The following ARHGEF33 variants were observed in gnomAD, a reference collection of about 807,000 sequenced individuals.
ARHGEF33 encodes the protein Rho guanine nucleotide exchange factor 33, also known as DH and coiled-coil domain-containing protein ENSP00000381780.
In ARHGEF33, 72 loss-of-function variants were observed where a neutral mutation model predicts 101.9. The ratio of observed to expected loss-of-function variants is 0.71; its 90% CI spans 0.58 to 0.86. The LOEUF is 0.86. Among genes scored for constraint, ARHGEF33 ranks in the 40% least tolerant of loss-of-function variants. The probability of loss-of-function intolerance (pLI) is 0.00; values close to 1 mark genes in which losing one functional copy is unlikely to be tolerated. For synonymous variants in ARHGEF33, 499 were observed against 442.5 expected (o/e 1.13, Z -1.60); for missense variants, 1,169 against 1,111.3 (o/e 1.05, Z -0.74).
chr2:38,911,628 A>G (rs922249771), intron 2 of ARHGEF33, among the ~76,000 whole-genome samples: 1 of 152,218 alleles, frequency 6.6e-6, no homozygotes, highest in African/African-American at 2.4e-5. Context: ...AAATATGGCT[A>G]TAACTTCTTA....
At chr2:38,937,727 CATT>C (rs796984924) in intron 9 of ARHGEF33, among the ~76,000 whole-genome samples, 168 bp downstream of exon 9, 3 of 152,274 alleles carry the variant, frequency 2.0e-5, no homozygotes, top group African/African-American at 7.2e-5. Flanking sequence ...TAAAGGGACT[CATT>C]AGAGGTCACA....
At position 38,951,175 on chromosome 2, in the gene ARHGEF33, T is replaced by A. The variant is rs1667594363; in HGVS notation, c.1053+54T>A. On this transcript the variant is annotated intron_variant, in intron 11 of 17. Transcript: ENST00000409978. ...TTTACTTATACGGATTTGTGTCTCA[T>A]TTGTCTACTTCTCTTAATAGAGAAT... 2.0e-6 allele frequency: 3 copies of A among 1,509,080 alleles called. No homozygotes were observed. The Admixed American group carries it at 6.1e-5, about 30-fold the overall frequency. 93.5% of individuals were successfully genotyped at this position (1,509,080 alleles called of 1,614,324 possible). A position where few individuals can be genotyped will look rare whatever the true frequency, so the allele number is the denominator to read the frequency against.
At chr2:38,930,020 A>C (rs1437066161) in intron 6 of ARHGEF33, among the ~76,000 whole-genome samples, 190 bp downstream of exon 6, 1 of 152,250 alleles carries the variant, frequency 6.6e-6, no homozygotes, top group Non-Finnish European at 1.5e-5. Flanking sequence ...TATTACATAG[A>C]AAAATCCATT....
intron 2 of ARHGEF33, among the ~76,000 whole-genome samples, chr2:38,897,108 G>A (rs1308432770): frequency 6.6e-6 from 1 of 152,022 alleles, no homozygotes; most frequent in Non-Finnish European, 1.5e-5. Flanking sequence ...TAGAGATGGA[G>A]TTTCATCATA....
chr2:38,940,773 C>A (rs1490884981), intron 9 of ARHGEF33, among the ~76,000 whole-genome samples: 1 of 152,192 alleles, frequency 6.6e-6, no homozygotes, highest in African/African-American at 2.4e-5. Context: ...CAAGCTATTG[C>A]AGCAGACCAG....
chr2:38,944,072 G>C (rs1202988462), intron 10 of ARHGEF33, 42 bp downstream of exon 10: 1 of 1,520,262 alleles, frequency 6.6e-7, no homozygotes, highest in Admixed American at 2.2e-5. Context: ...GATTGATTAG[G>C]ATTTAAGGTA....
chr2:38,959,926 C>G lies in ARHGEF33; in HGVS notation c.1621C>G (p.Leu541Val), dbSNP rs1042820924. ...GCCCGGGAAGCCCAGTGACTGGGAG[C>G]TGGAGGGCAGGAAGCACGAGCGGCC... ...MQPGKPSDWE[L>V]EGRKHERPES... The change falls in exon 16 of 18, where the codon CTG (leucine) becomes GTG (valine). Residue 541 changes from leucine to valine, a missense_variant. Coordinates refer to ENST00000409978, the MANE Select transcript of ARHGEF33 (RefSeq NM_001145451.5). 37 of 1,551,788 alleles carry G rather than the reference C, an allele frequency of 2.4e-5. No homozygotes were observed. The highest frequency in any genetic ancestry group is 3.1e-5 in the Non-Finnish European group (36 of 1,146,934).
In ARHGEF33 at chr2:38,967,484, T is replaced by G. The variant is rs190352726; in HGVS notation, c.2483+1339T>G. ...TTCCTCTTTCTAGGATCATATAGAC[T>G]TAGATCTTTCTTGACCCAGCGCCAA... On this transcript the variant is annotated intron_variant, in intron 17 of 17. Transcript: ENST00000409978. 7.9e-5 allele frequency among the ~76,000 whole-genome samples: 12 copies of G among 152,328 alleles called. No individual in the cohort carries two copies. In the East Asian group the frequency reaches 1.2e-3, roughly 15 times the overall value.
At chr2:38,933,584 A>G (rs1667061198) in intron 7 of ARHGEF33, among the ~76,000 whole-genome samples, 1 of 152,042 alleles carries the variant, frequency 6.6e-6, no homozygotes, top group East Asian at 1.9e-4. Flanking sequence ...CGGTTTTGCC[A>G]TGTCTCTGGT....
In ARHGEF33 at chr2:38,964,019, G is replaced by A. The variant is rs193133573; in HGVS notation, c.2344-1987G>A. Among the ~76,000 whole-genome samples, 464 of 152,208 alleles carry A rather than the reference G, an allele frequency of 3.0e-3. 2 individuals are homozygous for A. Among genetic ancestry groups the A allele is most frequent in the African/African-American group, 0.011 (438 of 41,528 alleles). ...AATTATACAACTCACCATAATCTAGGATCAGTGGGAGCCCTGAGTTTGTTT... is the reference window on the plus strand; with the variant it reads ...AATTATACAACTCACCATAATCTAGAATCAGTGGGAGCCCTGAGTTTGTTT... On this transcript the variant is annotated intron_variant, in intron 16 of 17. Transcript: ENST00000409978.
chr2:38,961,828 T>C (rs1012497503), intron 16 of ARHGEF33, among the ~76,000 whole-genome samples: 5 of 150,500 alleles, frequency 3.3e-5, no homozygotes, highest in Non-Finnish European at 7.4e-5. Flanking sequence ...CCTAGATAAG[T>C]TGAATGTCCG....
At chr2:38,908,784 C>T (rs1490907557) in intron 2 of ARHGEF33, among the ~76,000 whole-genome samples, 1 of 152,164 alleles carries the variant, frequency 6.6e-6, no homozygotes, top group Admixed American at 6.5e-5. Flanking sequence ...AGAGCCTGCT[C>T]TTTCTTGGTT....
At chr2:38,891,350 C>G (rs756987251) in intron 1 of ARHGEF33, among the ~76,000 whole-genome samples, 1 of 152,120 alleles carries the variant, frequency 6.6e-6, no homozygotes, top group Non-Finnish European at 1.5e-5. Flanking sequence ...CAAAGATCAA[C>G]TGATCTTCCT....
intron 9 of ARHGEF33, among the ~76,000 whole-genome samples, chr2:38,943,203 C>T (rs1042288293): frequency 6.6e-6 from 1 of 152,248 alleles, no homozygotes; most frequent in African/African-American, 2.4e-5. Flanking sequence ...GCTAGGATTA[C>T]AGGCATGAGC....
intron 17 of ARHGEF33, among the ~76,000 whole-genome samples, chr2:38,968,610 G>A (rs576492542): frequency 1.3e-5 from 2 of 152,328 alleles, no homozygotes; most frequent in South Asian, 4.1e-4. Flanking sequence ...CTTAGATAAA[G>A]AGCCAGTGGA....
intron 4 of ARHGEF33, among the ~76,000 whole-genome samples, chr2:38,926,756 C>G (rs1411389160): frequency 3.3e-5 from 5 of 152,148 alleles, no homozygotes; most frequent in African/African-American, 4.8e-5. Flanking sequence ...GCAGAAAACT[C>G]TGCCTAAGGG....
Position 38,921,374 on chromosome 2 carries a change from G to A in ARHGEF33, c.26G>A (p.Gly9Glu). The A allele has an allele frequency of 6.5e-7, 1 of 1,537,778 alleles. No individual in the cohort carries two copies. Among genetic ancestry groups the A allele is most frequent in the Non-Finnish European group, 8.8e-7 (1 of 1,134,236 alleles). Residue 9 changes from glycine (G) to glutamate (E), a missense_variant and splice_region_variant, in exon 4 of 18, where the codon GGA becomes GAA. Transcript: ENST00000409978. ...TAAACAAAGCTCTTTCTCCCTGCAG[G>A]AGAGAATGAACATATGCCGGTGAAT... MEKTKTKQ[G>E]ENEHMPVNNP... is the part of the protein sequence containing the mutation.
At position 38,960,216 on chromosome 2, in the gene ARHGEF33, G is replaced by C. The variant is rs966850691; in HGVS notation, c.1911G>C (p.Pro637=). The change falls in exon 16 of 18, where the codon CCG becomes CCC. Residue 637 remains proline, a synonymous_variant. Coordinates refer to ENST00000409978, the MANE Select transcript of ARHGEF33 (RefSeq NM_001145451.5). The stretch of plus-strand genomic sequence containing the variant: ...ACGACGAGGAGCCGTTCCAGGCTCC[G>C]GCCCTCTTCGAGAACTGCTCGCCTG... The part of the protein sequence containing the change: ...APYDEEPFQA[P]ALFENCSPAS... The C allele has an allele frequency of 6.5e-7, 1 of 1,546,816 alleles. No homozygotes were observed.
intron 2 of ARHGEF33, among the ~76,000 whole-genome samples, chr2:38,908,458 T>G (rs993290472): frequency 2.0e-5 from 3 of 152,228 alleles, no homozygotes; most frequent in African/African-American, 7.2e-5. Flanking sequence ...AAAATATCTC[T>G]GGCCAGTGGT....
Sources: gnomAD v4.1 joint callset for allele counts (sites outside exome capture counted in the v4.1 genomes callset) on GRCh38, gnomAD v4.1.1 for gene constraint, MANE v1.5 for transcripts, NCBI Gene and HGNC (gene_info 2026-07-23, HGNC 2026-07-21) for gene names.